Variants in METTL6 observed in about 807,000 individuals in gnomAD.
METTL6 encodes methyltransferase 6, tRNA N3-cytidine, also known as tRNA N(3)-cytidine methyltransferase METTL6.
Under a neutral mutation model 26.4 loss-of-function variants are expected in METTL6, and 22 were observed. The observed-to-expected ratio is 0.83, with a 90% confidence interval of 0.59 to 1.19. METTL6 has a LOEUF of 1.19. Ranked by LOEUF, METTL6 falls within the 50% of genes most tolerant of loss-of-function variation. METTL6 has a pLI of 0.00. For synonymous variants in METTL6, 109 were observed against 116.2 expected (o/e 0.94, Z 0.40); for missense variants, 304 against 324.8 (o/e 0.94, Z 0.49).
intron 6 of METTL6, among the ~76,000 whole-genome samples, chr3:15,395,805 G>A (rs1699471689): frequency 6.6e-6 from 1 of 152,124 alleles, no homozygotes; most frequent in African/African-American, 2.4e-5. Context: ...TTTTCTTTAA[G>A]AATGTTGAAT....
In METTL6 at chr3:15,409,970, TG is replaced by T. The variant is rs750375295; in HGVS notation, c.*1285del. Among the ~76,000 whole-genome samples, 6 of 152,192 alleles carry T rather than the reference TG, an allele frequency of 3.9e-5. No homozygotes were observed. The highest frequency in any genetic ancestry group is 9.6e-5 in the African/African-American group (4 of 41,452). The stretch of plus-strand genomic sequence containing the variant: ...CCCCATGGTTGTCTGACATGTTGCC[TG>T]GGGGAACACTTACAGTCACATGAGT... On this transcript the variant is annotated 3_prime_UTR_variant, in exon 6 of 6. Transcript: ENST00000383790.
In METTL6 at chr3:15,427,489, G is replaced by A. The variant is rs1020145125; in HGVS notation, c.-212C>T. On this transcript the variant is annotated 5_prime_UTR_variant, in exon 1 of 6. Coordinates refer to ENST00000383790, the MANE Select transcript of METTL6 (RefSeq NM_152396.4). ...AACCAATTCTGAGGACCACGAATTC[G>A]GATTATCCGGGAGTTCTTTTGCCAT... 1 of 476,418 alleles carries A rather than the reference G, an allele frequency of 2.1e-6. No homozygotes were observed. The highest frequency in any genetic ancestry group is 3.8e-6 in the Non-Finnish European group (1 of 262,408). 29.5% of individuals were successfully genotyped at this position (476,418 alleles called of 1,614,324 possible).
intron 3 of METTL6, among the ~76,000 whole-genome samples, chr3:15,418,235 T>G (rs1397983254): frequency 2.6e-5 from 4 of 152,142 alleles, no homozygotes; most frequent in African/African-American, 9.7e-5. Flanking sequence ...ATATGACAGA[T>G]GCTGGATCCA....
At chr3:15,420,010 C>T (rs1031261110) in intron 3 of METTL6, among the ~76,000 whole-genome samples, 4 of 151,948 alleles carry the variant, frequency 2.6e-5, no homozygotes, top group East Asian at 1.9e-4. Context: ...TACAGGCGCC[C>T]GCCACCATGC....
rs2061728338 is a variant in METTL6, at chr3:15,426,523, A to G, written c.-12T>C. ...TGCAAAGAAGCCATCTCTGAAACTG[A>G]CGGTAACACTTAACACAGCTGAAGA... On this transcript the variant is annotated 5_prime_UTR_variant, in exon 2 of 6. Transcript: ENST00000383790. 1.9e-6 allele frequency: 3 copies of G among 1,608,522 alleles called. No individual in the cohort carries two copies. In the Admixed American group the frequency reaches 5.0e-5, roughly 27 times the overall value.
chr3:15,403,671 A>T (rs75302379), intron 6 of METTL6, among the ~76,000 whole-genome samples: 3,041 of 152,182 alleles, frequency 0.02, 87 homozygotes, highest in African/African-American at 0.067. Context: ...GTTACTGGGA[A>T]GGGATCCCAA....
chr3:15,404,374 C>T (rs60570941), intron 6 of METTL6, among the ~76,000 whole-genome samples: 14,934 of 152,120 alleles, frequency 0.098, 783 homozygotes, highest in East Asian at 0.19. Flanking sequence ...CGGAGTTTTG[C>T]TCTTGTCACA....
At chr3:15,418,235 T>C (rs1397983254) in intron 3 of METTL6, among the ~76,000 whole-genome samples, 1 of 152,142 alleles carries the variant, frequency 6.6e-6, no homozygotes, top group Non-Finnish European at 1.5e-5. Context: ...ATATGACAGA[T>C]GCTGGATCCA....
At chr3:15,387,574 T>C (rs1456696193) in intron 6 of METTL6, among the ~76,000 whole-genome samples, 2 of 152,124 alleles carry the variant, frequency 1.3e-5, no homozygotes, top group African/African-American at 4.8e-5. Context: ...AAAAATCAAC[T>C]CACAAAATGC....
chr3:15,384,077 T>C, exon 7 of METTL6: 2 of 387,588 alleles, frequency 5.2e-6, no homozygotes, highest in South Asian at 3.6e-5. Flanking sequence ...GTTGAGGTAC[T>C]ATACTGAAAA....
intron 6 of METTL6, among the ~76,000 whole-genome samples, chr3:15,395,214 T>C (rs2124914201): frequency 6.6e-6 from 1 of 152,384 alleles, no homozygotes; most frequent in East Asian, 1.9e-4. Flanking sequence ...TTAGGATAGT[T>C]AGCTCTTCTT....
rs574612125 is a variant in METTL6 at position 15,421,405 on chromosome 3, G to A, written c.360+3550C>T. 5.3e-5 allele frequency among the ~76,000 whole-genome samples: 8 copies of A among 152,256 alleles called. No homozygotes were observed. In the South Asian group the frequency reaches 1.7e-3, roughly 32 times the overall value. ...TTGTGATTGTGGATGACTGTTCTTT[G>A]CTTCTTGTGTTTCTCAGTTTCCTAC... On this transcript the variant is annotated intron_variant, in intron 3 of 5. Coordinates refer to ENST00000383790, the MANE Select transcript of METTL6 (RefSeq NM_152396.4).
chr3:15,420,281 A>T (rs1165660363), intron 3 of METTL6, among the ~76,000 whole-genome samples: 1 of 152,226 alleles, frequency 6.6e-6, no homozygotes, highest in East Asian at 1.9e-4. Context: ...AAAGCATGTT[A>T]TGGTAAATAT....
rs765133050 is a variant in METTL6, at chr3:15,425,099, G to A, written c.226-10C>T. On this transcript the variant is annotated splice_polypyrimidine_tract_variant and intron_variant, in intron 2 of 5. Coordinates refer to ENST00000383790, the MANE Select transcript of METTL6 (RefSeq NM_152396.4). ...ACTTTTGATCTTCAAACTGGGGAAA[G>A]ACAGCTCAAAGTTATAGTATATCAC... is the stretch of plus-strand genomic sequence containing the variant. 3.1e-6 allele frequency: 5 copies of A among 1,613,748 alleles called. No homozygotes were observed. Among genetic ancestry groups the A allele is most frequent in the Non-Finnish European group, 4.2e-6 (5 of 1,179,968 alleles).
Position 15,401,279 on chromosome 3 carries a change from T to C in METTL6, c.*11+9966A>G, listed in dbSNP as rs1699635678. ...TGGTCTCGATCTCCTGACCTTGTGA[T>C]CCGCCCGCCTCGGCCTCCCAAAGTG... On this transcript the variant is annotated intron_variant, in intron 6 of 6. Coordinates refer to the METTL6 transcript ENST00000443029. 7.2e-5 allele frequency among the ~76,000 whole-genome samples: 11 copies of C among 152,114 alleles called. No homozygotes were observed. In the South Asian group the frequency reaches 2.3e-3, roughly 32 times the overall value.
chr3:15,425,850 A>G (rs891307138), intron 2 of METTL6, among the ~76,000 whole-genome samples: 3 of 152,258 alleles, frequency 2.0e-5, no homozygotes, highest in Non-Finnish European at 2.9e-5. Context: ...ACCAAACAGT[A>G]TATTTCTCTC....
chr3:15,389,727 T>A (rs2124897340), intron 6 of METTL6, among the ~76,000 whole-genome samples: 1 of 152,186 alleles, frequency 6.6e-6, no homozygotes, highest in African/African-American at 2.4e-5. Flanking sequence ...TTTTGTATTT[T>A]TAGTAGAGAT....
intron 5 of METTL6, among the ~76,000 whole-genome samples, chr3:15,411,848 C>A (rs1246709225): frequency 6.6e-6 from 1 of 152,088 alleles, no homozygotes; most frequent in Non-Finnish European, 1.5e-5. Flanking sequence ...CTGCAACCTC[C>A]GATTCCTGGG....
chr3:15,408,823 T>G (rs1181466185), downstream of METTL6, among the ~76,000 whole-genome samples: 2 of 152,138 alleles, frequency 1.3e-5, no homozygotes, highest in Non-Finnish European at 2.9e-5. Flanking sequence ...CCTGTCTTTA[T>G]CCAGCTTAGC....
Sources: allele counts gnomAD v4.1 joint callset (sites outside exome capture counted in the v4.1 genomes callset), GRCh38; gene constraint gnomAD v4.1.1; transcripts MANE v1.5; gene names NCBI Gene and HGNC (gene_info 2026-07-23, HGNC 2026-07-21).